CFAP47: variants seen among roughly 807,000 people sequenced by gnomAD.
CFAP47 encodes cilia- and flagella-associated protein 47.
CFAP47 carries 29 observed loss-of-function variants against 148.1 expected under a neutral mutation model. The ratio of observed to expected loss-of-function variants is 0.20; its 90% CI spans 0.15 to 0.27. The LOEUF (loss-of-function observed/expected upper bound fraction) is 0.27. Ranked by LOEUF, CFAP47 falls within the 10% of genes least tolerant of loss-of-function variation. CFAP47 has a pLI of 1.00. For missense variants in CFAP47, 1,872 were observed against 1,697.5 expected, an observed-to-expected ratio of 1.10 and a Z score of -1.81; for synonymous variants, 664 against 577.3, an observed-to-expected ratio of 1.15 and a Z score of -2.15.
intron 37 of CFAP47, among the ~76,000 whole-genome samples, chrX:36,154,659 T>C (rs141610078): frequency 3.0e-3 from 335 of 112,135 alleles, no homozygotes; most frequent in African/African-American, 0.01. Context: ...GTTCAAGCTT[T>C]CTCTACAGCT....
At chrX:36,148,513 T>C (rs1433269090) in intron 36 of CFAP47, among the ~76,000 whole-genome samples, 1 of 111,903 alleles carries the variant, frequency 8.9e-6, no homozygotes, top group African/African-American at 3.3e-5. Flanking sequence ...ACACTTTGTG[T>C]ACTCACGTTT....
At position 36,299,079 on chromosome X, in the gene CFAP47, A is replaced by T. The variant is rs1226790116; in HGVS notation, c.7789A>T (p.Ile2597Phe). ...TGCCCTTAATGGGGATAATGAAATTATCCTGAGTCCACTACAGTGCACCAA... is the reference window on the plus strand; with the variant it reads ...TGCCCTTAATGGGGATAATGAAATTTTCCTGAGTCCACTACAGTGCACCAA... The part of the protein sequence containing the change: ...SAALNGDNEI[I>F]LSPLQCTKYI... Residue 2597 changes from isoleucine (I) to phenylalanine (F), a missense_variant, in exon 52 of 64, where the codon ATC (isoleucine) becomes TTC (phenylalanine). By Grantham distance (21) the Ile-to-Phe change is conservative. Coordinates refer to ENST00000378653, the MANE Select transcript of CFAP47 (RefSeq NM_001304548.2). 2.6e-6 allele frequency: 3 copies of T among 1,141,879 alleles called. No individual in the cohort carries two copies. Among genetic ancestry groups the T allele is most frequent in the African/African-American group, 3.6e-5 (2 of 55,173 alleles). The allele number at this position is 1,141,879 out of a possible 1,213,427, so 94.1% of individuals were successfully genotyped here. A position where few individuals can be genotyped will look rare whatever the true frequency, so the allele number is the denominator to read the frequency against.
Position 36,353,520 on chromosome X carries a change from C to G in CFAP47, c.8699-9C>G, listed in dbSNP as rs1556017856. 2 of 1,156,835 alleles carry G rather than the reference C, an allele frequency of 1.7e-6. No individual in the cohort carries two copies. The highest frequency in any genetic ancestry group is 2.3e-6 in the Non-Finnish European group (2 of 865,362). The stretch of plus-strand genomic sequence containing the variant: ...AGTCAAGTTAACTGGAAATATTTCT[C>G]TCCTGCAGTTGTCATACAATGTCAG... On this transcript the variant is annotated splice_polypyrimidine_tract_variant and intron_variant, in intron 59 of 63. Coordinates refer to ENST00000378653, the MANE Select transcript of CFAP47 (RefSeq NM_001304548.2).
At chrX:36,262,861 C>A (rs1410060864) in intron 49 of CFAP47, among the ~76,000 whole-genome samples, 1 of 112,113 alleles carries the variant, frequency 8.9e-6, no homozygotes, top group Admixed American at 9.4e-5. Flanking sequence ...CCTTTCTCCA[C>A]ATCCTCAGCA....
intron 49 of CFAP47, among the ~76,000 whole-genome samples, chrX:36,270,930 T>C (rs1940951520): frequency 9.1e-6 from 1 of 110,336 alleles, no homozygotes; most frequent in East Asian, 2.8e-4. Context: ...TTTTAATAGC[T>C]ATCTGAACCA....
In CFAP47 at chrX:36,384,736, C is replaced by A. The variant is rs1942111482; in HGVS notation, c.9355-61C>A. 3.5e-6 allele frequency: 3 copies of A among 862,806 alleles called. No individual in the cohort carries two copies. The South Asian group carries it at 6.8e-5, about 20-fold the overall frequency. The allele number at this position is 862,806 out of a possible 1,213,427, so 71.1% of individuals were successfully genotyped here. ...AAGATGTTAATTATAGTGAACTTTT[C>A]CCTACATGTTTTGAAGTCCCTGGAT... On this transcript the variant is annotated intron_variant, in intron 63 of 63. Transcript: ENST00000378653.
chrX:36,243,647 G>GTGTA (rs1179341078), intron 48 of CFAP47, among the ~76,000 whole-genome samples: 200 of 64,146 alleles, frequency 3.1e-3, no homozygotes, highest in African/African-American at 4.5e-3. Context: ...ATATGTGTGT[G>GTGTA]TATATATATA....
chrX:36,228,781 T>A lies in CFAP47; in HGVS notation c.6971T>A (p.Phe2324Tyr), dbSNP rs1169142428. The A allele has an allele frequency of 3.8e-6, 2 of 522,871 alleles. No individual in the cohort carries two copies. Among genetic ancestry groups the A allele is most frequent in the Non-Finnish European group, 7.0e-6 (2 of 285,902 alleles). The allele number at this position is 522,871 out of a possible 1,213,427, so 43.1% of individuals were successfully genotyped here. ...GAACAACCAGAGGCCAAATTTGAGT[T>A]TGAAACACCAGCATTTGAAGCCCTT... ...NEEQPEAKFE[F>Y]ETPAFEALTQ... Residue 2324 changes from phenylalanine to tyrosine, a missense_variant, in exon 46 of 64, where the codon TTT (phenylalanine) becomes TAT (tyrosine). Coordinates refer to ENST00000378653, the MANE Select transcript of CFAP47 (RefSeq NM_001304548.2).
chrX:36,088,747 C>T (rs896714790), intron 30 of CFAP47, among the ~76,000 whole-genome samples: 2 of 111,454 alleles, frequency 1.8e-5, no homozygotes, highest in African/African-American at 6.5e-5. Context: ...ATCTAACATC[C>T]TTTGATACAA....
At chrX:36,371,761 T>C (rs1356162864) in intron 62 of CFAP47, among the ~76,000 whole-genome samples, 2 of 55,585 alleles carry the variant, frequency 3.6e-5, no homozygotes, top group Non-Finnish European at 5.6e-5. Flanking sequence ...TACACACATG[T>C]GTGTATATAC....
chrX:36,125,360 G>A, intron 33 of CFAP47, among the ~76,000 whole-genome samples: 1 of 110,538 alleles, frequency 9.0e-6, no homozygotes, highest in Non-Finnish European at 1.9e-5. Flanking sequence ...CATCGGCCCT[G>A]GAAATTAGTC....
At chrX:36,032,328 A>G (rs930884090) in intron 23 of CFAP47, among the ~76,000 whole-genome samples, 1 of 110,589 alleles carries the variant, frequency 9.0e-6, no homozygotes, top group African/African-American at 3.3e-5. Context: ...CGTGACTCTA[A>G]TCTTCTACTT....
chrX:36,104,040 G>A (rs1405202149), intron 32 of CFAP47, among the ~76,000 whole-genome samples: 2 of 112,050 alleles, frequency 1.8e-5, no homozygotes, highest in African/African-American at 3.2e-5. Context: ...ATGACAAATT[G>A]TGTACACTTT....
rs1247878923 is a variant in CFAP47, at chrX:36,051,311, C to G, written c.4217+4248C>G. Among the ~76,000 whole-genome samples, 3 of 111,738 alleles carry G rather than the reference C, an allele frequency of 2.7e-5. No homozygotes were observed. In the East Asian group the frequency reaches 8.5e-4, roughly 32 times the overall value. ...TTGCACCATGCACCTGGAAAAGTTG[C>G]AGACCCTCAATGCCAGCCCATGAAA... On this transcript the variant is annotated intron_variant, in intron 26 of 63. Coordinates refer to ENST00000378653, the MANE Select transcript of CFAP47 (RefSeq NM_001304548.2).
At chrX:36,137,285 C>T (rs757232604) in intron 33 of CFAP47, among the ~76,000 whole-genome samples, 17 of 111,323 alleles carry the variant, frequency 1.5e-4, no homozygotes, top group Admixed American at 1.9e-4. Flanking sequence ...AAGAAAATGT[C>T]GCATTCAACA....
intron 39 of CFAP47, among the ~76,000 whole-genome samples, chrX:36,174,329 T>C (rs778511744): frequency 9.0e-6 from 1 of 110,662 alleles, no homozygotes; most frequent in South Asian, 4.0e-4. Context: ...ATGTGTGAAT[T>C]TGATCCTGTC....
intron 22 of CFAP47, among the ~76,000 whole-genome samples, chrX:36,015,931 AT>A (rs748792175): frequency 9.0e-6 from 1 of 111,201 alleles, no homozygotes; most frequent in African/African-American, 3.3e-5. Context: ...TTGTTAATGT[AT>A]TTTTTTAATA....
At position 36,310,813 on chromosome X, in the gene CFAP47, G is replaced by A. The variant is rs782318589; in HGVS notation, c.8188-20G>A. The A allele has an allele frequency of 9.1e-6, 10 of 1,100,252 alleles. No individual in the cohort carries two copies. In the East Asian group the frequency reaches 1.7e-4, roughly 19 times the overall value. The allele number at this position is 1,100,252 out of a possible 1,213,427, so 90.7% of individuals were successfully genotyped here. A position where few individuals can be genotyped will look rare whatever the true frequency, so the allele number is the denominator to read the frequency against. On this transcript the variant is annotated intron_variant, in intron 55 of 63. Coordinates refer to ENST00000378653, the MANE Select transcript of CFAP47 (RefSeq NM_001304548.2). Reference sequence around the variant, plus strand: ...TATGCAGTTAGGACACATAAGTTACGAATACTTATCTTCAAACAGTTTACA... The same window carrying A: ...TATGCAGTTAGGACACATAAGTTACAAATACTTATCTTCAAACAGTTTACA...
intron 22 of CFAP47, among the ~76,000 whole-genome samples, chrX:36,019,054 G>C (rs771007409): frequency 1.8e-5 from 2 of 111,644 alleles, no homozygotes; most frequent in East Asian, 2.8e-4. Context: ...ATTTCCCCCT[G>C]GTTCTGCGGT....
Sources: gnomAD v4.1 joint callset for allele counts (sites outside exome capture counted in the v4.1 genomes callset) on GRCh38, gnomAD v4.1.1 for gene constraint, MANE v1.5 for transcripts, NCBI Gene and HGNC (gene_info 2026-07-23, HGNC 2026-07-21) for gene names.